The following PLPBP variants were observed in gnomAD, a reference collection of about 807,000 sequenced individuals.
The protein encoded by PLPBP is pyridoxal phosphate homeostasis protein.
Under a neutral mutation model 31.2 loss-of-function variants are expected in PLPBP, and 21 were observed. That is an observed-to-expected ratio of 0.67 (90% CI 0.48 to 0.97). The LOEUF (loss-of-function observed/expected upper bound fraction) is 0.97. PLPBP is among the 50% of genes least tolerant of loss of function. The pLI, the probability that PLPBP is intolerant of heterozygous loss-of-function variation, is 0.00. For missense variants in PLPBP, 308 were observed against 354.4 expected (o/e 0.87, Z 1.05); for synonymous variants, 124 against 135.6 (o/e 0.91, Z 0.59).
At chr8:37,769,700 T>G (rs921183073) in intron 4 of PLPBP, among the ~76,000 whole-genome samples, 19 of 152,318 alleles carry the variant, frequency 1.2e-4, no homozygotes, top group African/African-American at 4.6e-4. Flanking sequence ...TGAGTACTCC[T>G]TCGTCTTACC....
In PLPBP at chr8:37,773,658, G is replaced by A. The variant is rs554245675; in HGVS notation, c.454+769G>A. On this transcript the variant is annotated intron_variant, in intron 5 of 7. Coordinates refer to ENST00000328195, the MANE Select transcript of PLPBP (RefSeq NM_007198.4). ...TAATATTTGTATTTTTAGTAGAGAC[G>A]GAGTTTCGCCATATTGGTCAGGCTG... Among the ~76,000 whole-genome samples, 134 of 151,452 alleles carry A rather than the reference G, an allele frequency of 8.8e-4. 1 individual carries two copies. The highest frequency in any genetic ancestry group is 1.3e-3 in the Non-Finnish European group (85 of 67,914).
chr8:37,774,350 A>G (rs181740784), intron 5 of PLPBP, among the ~76,000 whole-genome samples: 127 of 152,354 alleles, frequency 8.3e-4, no homozygotes, highest in South Asian at 1.2e-3. Context: ...CAGCTACACT[A>G]CTTTCCAGTA....
chr8:37,764,378 A>G (rs540847525), intron 1 of PLPBP, among the ~76,000 whole-genome samples: 2 of 150,210 alleles, frequency 1.3e-5, no homozygotes, highest in African/African-American at 2.5e-5. Context: ...CTGGAGTGCA[A>G]TGGCACAGCC....
At chr8:37,769,038 T>TA (rs1175938181) in intron 4 of PLPBP, among the ~76,000 whole-genome samples, 4 of 151,362 alleles carry the variant, frequency 2.6e-5, no homozygotes, top group East Asian at 3.9e-4. Context: ...CTGGAAACCA[T>TA]AAAAAAAACA....
At chr8:37,773,387 C>T (rs1803825427) in intron 5 of PLPBP, among the ~76,000 whole-genome samples, 2 of 151,542 alleles carry the variant, frequency 1.3e-5, no homozygotes, top group African/African-American at 4.8e-5. Flanking sequence ...AGACTGCTCT[C>T]GAGCTCATGA....
In PLPBP at chr8:37,778,019, G is replaced by A. The variant is rs201217697; in HGVS notation, c.743G>A (p.Gly248Glu). The change falls in exon 8 of 8, where the codon GGA (glycine) becomes GAA (glutamate). Residue 248 changes from glycine to glutamate, a missense_variant. Physicochemically the swap from Gly to Glu is moderately conservative, Grantham distance 98. Coordinates refer to ENST00000328195, the MANE Select transcript of PLPBP (RefSeq NM_007198.4). ...GTCCGAATAGGAAGCACGATTTTTG[G>A]AGAGCGGGATTACTCAAAGAAACCC... is the stretch of plus-strand genomic sequence containing the variant. Reference protein sequence around the residue: ...TNVRIGSTIFGERDYSKKPTP... With the variant: ...TNVRIGSTIFEERDYSKKPTP... 6.2e-7 allele frequency: 1 copy of A among 1,613,746 alleles called. No homozygotes were observed. The highest frequency in any genetic ancestry group is 2.2e-5 in the East Asian group (1 of 44,870).
At chr8:37,769,999 A>G (rs909572788) in intron 4 of PLPBP, among the ~76,000 whole-genome samples, 2 of 152,232 alleles carry the variant, frequency 1.3e-5, no homozygotes, top group African/African-American at 4.8e-5. Context: ...AGGACATGAA[A>G]AAATGGAAAG....
Position 37,778,476 on chromosome 8 carries a change from A to G in PLPBP, c.*372A>G, listed in dbSNP as rs1448546581. On this transcript the variant is annotated 3_prime_UTR_variant, in exon 8 of 8. Transcript: ENST00000328195. The stretch of plus-strand genomic sequence containing the variant: ...GATTCCCCTTTTTCATCTCATTTTA[A>G]TAGGAAAATTCCTTATGGTTAACAT... 8 of 159,596 alleles carry G rather than the reference A, an allele frequency of 5.0e-5. No homozygotes were observed. Among genetic ancestry groups the G allele is most frequent in the Non-Finnish European group, 1.4e-5 (1 of 72,526 alleles). The allele number at this position is 159,596 out of a possible 1,614,324, so 9.9% of individuals were successfully genotyped here.
chr8:37,764,074 T>C (rs539963407), intron 1 of PLPBP, among the ~76,000 whole-genome samples: 15 of 149,894 alleles, frequency 1.0e-4, no homozygotes, highest in Middle Eastern at 3.5e-3. Context: ...TTTCTTTCTT[T>C]TTTTTTTTTT....
At chr8:37,772,077 T>G (rs1803784619) in intron 4 of PLPBP, among the ~76,000 whole-genome samples, 1 of 152,274 alleles carries the variant, frequency 6.6e-6, no homozygotes, top group Non-Finnish European at 1.5e-5. Context: ...CACCAAGTTC[T>G]ATATCCAAGC....
At chr8:37,776,686 T>C (rs1016695948) in intron 7 of PLPBP, among the ~76,000 whole-genome samples, 17 of 152,246 alleles carry the variant, frequency 1.1e-4, no homozygotes, top group Admixed American at 6.5e-4. Flanking sequence ...GCTATAATTT[T>C]TGGAAAGGCA....
chr8:37,774,823 A>G (rs975651894), intron 5 of PLPBP: 1 of 153,780 alleles, frequency 6.5e-6, no homozygotes, highest in Non-Finnish European at 1.4e-5. Context: ...AGCTCTTATA[A>G]CTGTATAACA....
chr8:37,771,670 A>G (rs1454954183), intron 4 of PLPBP, among the ~76,000 whole-genome samples: 1 of 151,864 alleles, frequency 6.6e-6, no homozygotes, highest in Non-Finnish European at 1.5e-5. Context: ...CAAGTTAAAA[A>G]GCTCTTGCAG....
At position 37,778,317 on chromosome 8, in the gene PLPBP, C is replaced by T; in HGVS notation, c.*213C>T. The T allele has an allele frequency of 2.4e-6, 1 of 418,676 alleles. No individual in the cohort carries two copies. Among genetic ancestry groups the T allele is most frequent in the Non-Finnish European group, 4.3e-6 (1 of 234,360 alleles). 25.9% of individuals were successfully genotyped at this position (418,676 alleles called of 1,614,324 possible). A position where few individuals can be genotyped will look rare whatever the true frequency, so the allele number is the denominator to read the frequency against. ...AGTTTGAGAAATTCAAACATTTCTG[C>T]AGAACAGATACCAAATCAATAGCTA... is the stretch of plus-strand genomic sequence containing the variant. On this transcript the variant is annotated 3_prime_UTR_variant, in exon 8 of 8. Transcript: ENST00000328195.
At position 37,766,262 on chromosome 8, in the gene PLPBP, T is replaced by C. The variant is rs374104986; in HGVS notation, c.244-18T>C. On this transcript the variant is annotated intron_variant, in intron 3 of 7. Coordinates refer to ENST00000328195, the MANE Select transcript of PLPBP (RefSeq NM_007198.4). ...TCTATAAAATCTGAATTACACATGG[T>C]TACCTTTTTCCCCTCAGATTCTGTC... is the stretch of plus-strand genomic sequence containing the variant. The C allele has an allele frequency of 1.4e-4, 217 of 1,594,922 alleles. No individual in the cohort carries two copies. Among genetic ancestry groups the C allele is most frequent in the Non-Finnish European group, 1.7e-4 (201 of 1,169,814 alleles).
chr8:37,775,302 C>A (rs1384102785), intron 5 of PLPBP, 37 bp from the exon 6 acceptor site: 1 of 1,612,922 alleles, frequency 6.2e-7, no homozygotes, highest in Non-Finnish European at 8.5e-7. Context: ...GCCATTTACC[C>A]TTGCAGTATA....
At chr8:37,765,666 A>T in intron 2 of PLPBP, 33 bp downstream of exon 2, 2 of 1,614,254 alleles carry the variant, frequency 1.2e-6, no homozygotes, top group Non-Finnish European at 1.7e-6. Context: ...CTTTGGAAGC[A>T]TCATGATTGC....
At chr8:37,775,164 A>G (rs1803867940) in intron 5 of PLPBP, 175 bp from the exon 6 acceptor site, 1 of 601,448 alleles carries the variant, frequency 1.7e-6, no homozygotes, top group African/African-American at 1.9e-5. Context: ...CCTGACCAGA[A>G]GCAGAGCAAC....
chr8:37,764,087 T>TGTTG (rs1803556419), intron 1 of PLPBP, among the ~76,000 whole-genome samples: 1 of 151,372 alleles, frequency 6.6e-6, no homozygotes, highest in African/African-American at 2.4e-5. Context: ...TTTTTTTTTT[T>TGTTG]TGTTGTGTTG....
Sources: allele counts gnomAD v4.1 joint callset (sites outside exome capture counted in the v4.1 genomes callset), GRCh38; gene constraint gnomAD v4.1.1; transcripts MANE v1.5; gene names NCBI Gene and HGNC (gene_info 2026-07-23, HGNC 2026-07-21).